The following RBFOX1 variants were observed in gnomAD, a reference collection of about 807,000 sequenced individuals.
RBFOX1 encodes RNA binding fox-1 homolog 1.
RBFOX1 carries 8 observed loss-of-function variants against 57.7 expected under a neutral mutation model. The ratio of observed to expected loss-of-function variants is 0.14; its 90% confidence interval spans 0.08 to 0.25. The LOEUF is 0.25. RBFOX1 is among the 10% of genes least tolerant of loss of function. RBFOX1 has a pLI of 1.00. For missense variants in RBFOX1, 611 were observed against 548.5 expected, an observed-to-expected ratio of 1.11 and a Z score of -1.14; for synonymous variants, 326 against 222.4, an observed-to-expected ratio of 1.47 and a Z score of -4.15.
chr16:6,514,274 T>C (rs1053983823), intron 2 of RBFOX1, among the ~76,000 whole-genome samples: 1 of 152,184 alleles, frequency 6.6e-6, no homozygotes. Context: ...GGCAATCCTT[T>C]CCACTTCATC....
At chr16:7,025,977 G>A (rs1210482203) in intron 3 of RBFOX1, among the ~76,000 whole-genome samples, 3 of 152,196 alleles carry the variant, frequency 2.0e-5, no homozygotes, top group Non-Finnish European at 4.4e-5. Flanking sequence ...GGCTGGTGCA[G>A]GTATCTGTAG....
At chr16:6,552,241 A>G (rs759553634) in intron 2 of RBFOX1, among the ~76,000 whole-genome samples, 32 of 152,202 alleles carry the variant, frequency 2.1e-4, no homozygotes, top group Non-Finnish European at 4.1e-4. Context: ...TAGAGTAATA[A>G]TGAAAGTATT....
chr16:6,906,403 A>G lies in RBFOX1; in HGVS notation c.-15-145654A>G, dbSNP rs151301550. On this transcript the variant is annotated intron_variant, in intron 3 of 15. Coordinates refer to ENST00000550418, the MANE Select transcript of RBFOX1 (RefSeq NM_018723.4). Reference sequence around the variant, plus strand: ...ACTCATAAAAAATACAGGATAAACAATGCTGGAAGAAAATTATGGGAAAAT... The same window carrying G: ...ACTCATAAAAAATACAGGATAAACAGTGCTGGAAGAAAATTATGGGAAAAT... 7.7e-3 allele frequency among the ~76,000 whole-genome samples: 1,165 copies of G among 152,286 alleles called. 8 individuals are homozygous for G. The highest frequency in any genetic ancestry group is 0.026 in the African/African-American group (1,086 of 41,552).
chr16:6,342,143 G>A (rs1201063599), intron 2 of RBFOX1, among the ~76,000 whole-genome samples: 1 of 152,290 alleles, frequency 6.6e-6, no homozygotes, highest in East Asian at 1.9e-4. Context: ...TTGAAGGGGA[G>A]TGATGGTGGT....
chr16:6,144,382 T>C (rs1233555835), intron 1 of RBFOX1, among the ~76,000 whole-genome samples: 1 of 152,180 alleles, frequency 6.6e-6, no homozygotes, highest in Non-Finnish European at 1.5e-5. Flanking sequence ...TAACACATCA[T>C]TCTCCTCAAG....
Position 5,937,557 on chromosome 16 carries a change from T to A in RBFOX1, c.351+70222T>A, listed in dbSNP as rs557307247. Among the ~76,000 whole-genome samples the A allele has an allele frequency of 2.0e-5, 3 of 151,580 alleles. No homozygotes were observed. The South Asian group carries it at 6.2e-4, about 32-fold the overall frequency. ...AGTTACATATTTATATATAACTGTATGATATATAGTTGCTTATTTATATAT... is the reference window on the plus strand; with the variant it reads ...AGTTACATATTTATATATAACTGTAAGATATATAGTTGCTTATTTATATAT... On this transcript the variant is annotated intron_variant, in intron 4 of 19. Coordinates refer to the RBFOX1 transcript ENST00000641259.
At chr16:6,681,309 G>C (rs1236057475) in intron 3 of RBFOX1, among the ~76,000 whole-genome samples, 1 of 151,162 alleles carries the variant, frequency 6.6e-6, no homozygotes, top group Non-Finnish European at 1.5e-5. Flanking sequence ...CAGAGCAAGA[G>C]CCTGTCTGGA....
chr16:6,848,513 G>C (rs7201150), intron 3 of RBFOX1, among the ~76,000 whole-genome samples: 22,269 of 151,672 alleles, frequency 0.15, 3,305 homozygotes, highest in African/African-American at 0.37. Flanking sequence ...CGACATTATT[G>C]GTCAAATCTA....
In RBFOX1 at chr16:6,019,068, C is replaced by T. The variant is rs2095020602; in HGVS notation, c.-1051C>T. 1 of 981,480 alleles carries T rather than the reference C, an allele frequency of 1.0e-6. No individual in the cohort carries two copies. The highest frequency in any genetic ancestry group is 1.2e-6 in the Non-Finnish European group (1 of 826,972). 60.8% of individuals were successfully genotyped at this position (981,480 alleles called of 1,614,324 possible). On this transcript the variant is annotated 5_prime_UTR_variant, in exon 1 of 16. Coordinates refer to ENST00000550418, the MANE Select transcript of RBFOX1 (RefSeq NM_018723.4). The surrounding 1 kb of genome is among the most constrained non-coding windows in gnomAD (Gnocchi z 4.2). Reference sequence around the variant, plus strand: ...AGCCGGGGCTGCTCGCTGCTTGTCGCGCGCTCACACACACACAGACACACA... The same window carrying T: ...AGCCGGGGCTGCTCGCTGCTTGTCGTGCGCTCACACACACACAGACACACA...
chr16:6,450,839 G>GTGTATATA (rs1468033155), intron 2 of RBFOX1, among the ~76,000 whole-genome samples: 2 of 13,606 alleles, frequency 1.5e-4, no homozygotes, highest in African/African-American at 6.9e-4. Flanking sequence ...ATATATATGT[G>GTGTATATA]TATATATATA....
chr16:5,913,474 C>A (rs1348899993), intron 4 of RBFOX1, among the ~76,000 whole-genome samples: 1 of 152,166 alleles, frequency 6.6e-6, no homozygotes, highest in Non-Finnish European at 1.5e-5. Flanking sequence ...TTAAAAGAGC[C>A]TGGTATCTCT....
chr16:5,986,353 C>T (rs180801591), intron 4 of RBFOX1, among the ~76,000 whole-genome samples: 27 of 152,306 alleles, frequency 1.8e-4, no homozygotes, highest in Non-Finnish European at 3.4e-4. Flanking sequence ...CGTGAGCCAT[C>T]GCGTCCAGAC....
intron 3 of RBFOX1, among the ~76,000 whole-genome samples, chr16:5,757,731 C>G (rs1254773581): frequency 6.6e-6 from 1 of 152,160 alleles, no homozygotes; most frequent in Non-Finnish European, 1.5e-5. Context: ...GTCCTCATCC[C>G]CACTTCACAG....
intron 14 of RBFOX1, among the ~76,000 whole-genome samples, chr16:7,681,448 T>C (rs2074719375): frequency 6.6e-6 from 1 of 152,210 alleles, no homozygotes; most frequent in Admixed American, 6.5e-5. Flanking sequence ...CGCAGGCTAC[T>C]TCCTGTCTAT....
chr16:5,835,754 A>T (rs570110412), intron 3 of RBFOX1, among the ~76,000 whole-genome samples: 1 of 152,172 alleles, frequency 6.6e-6, no homozygotes, highest in Non-Finnish European at 1.5e-5. Context: ...ATTAAACTCA[A>T]TTTGGCATGT....
intron 2 of RBFOX1, among the ~76,000 whole-genome samples, chr16:6,558,144 C>T (rs533053768): frequency 3.3e-5 from 5 of 152,188 alleles, no homozygotes; most frequent in Admixed American, 6.5e-5. Flanking sequence ...CAAAAAATAT[C>T]GGTTGCCCAG....
intron 1 of RBFOX1, among the ~76,000 whole-genome samples, chr16:6,252,099 C>T (rs903177655): frequency 2.0e-5 from 3 of 152,082 alleles, no homozygotes; most frequent in African/African-American, 7.2e-5. Flanking sequence ...ATGTTCTTCT[C>T]CAACTTCCCC....
intron 3 of RBFOX1, among the ~76,000 whole-genome samples, chr16:6,675,003 T>G (rs2057377029): frequency 1.3e-5 from 2 of 152,136 alleles, no homozygotes; most frequent in Admixed American, 1.3e-4. Flanking sequence ...CCTCCCAGGT[T>G]CAAGCCATTC....
At chr16:6,667,977 ACT>A (rs1467014861) in intron 3 of RBFOX1, among the ~76,000 whole-genome samples, 1 of 152,138 alleles carries the variant, frequency 6.6e-6, no homozygotes, top group Non-Finnish European at 1.5e-5. Context: ...TAAATCTTTG[ACT>A]CTGTTTCTTA....
Sources: allele counts gnomAD v4.1 joint callset (sites outside exome capture counted in the v4.1 genomes callset), GRCh38; gene constraint gnomAD v4.1.1; non-coding constraint Gnocchi (gnomAD v3.1); transcripts MANE v1.5; gene names NCBI Gene and HGNC (gene_info 2026-07-23, HGNC 2026-07-21).